Variants in GRID2 observed in about 807,000 individuals in gnomAD.
The protein encoded by GRID2 is glutamate ionotropic receptor delta type subunit 2, also known as glutamate receptor ionotropic, delta-2.
GRID2 carries 33 observed loss-of-function variants against 114.8 expected under a neutral mutation model. The observed-to-expected ratio is 0.29, with a 90% CI of 0.22 to 0.38. The LOEUF (loss-of-function observed/expected upper bound fraction) is 0.38. Among genes scored for constraint, GRID2 ranks in the 10% least tolerant of loss-of-function variants. The probability of loss-of-function intolerance (pLI) is 1.00; values close to 1 mark genes in which losing one functional copy is unlikely to be tolerated. For missense variants in GRID2, 1,184 were observed against 1,257.7 expected (o/e 0.94, Z 0.89); for synonymous variants, 505 against 449.9 (o/e 1.12, Z -1.55).
intron 2 of GRID2, among the ~76,000 whole-genome samples, chr4:92,865,551 G>T (rs1179179825): frequency 6.6e-6 from 1 of 152,104 alleles, no homozygotes; most frequent in Non-Finnish European, 1.5e-5. Flanking sequence ...TTTGTCATTA[G>T]ACATACATAT....
At chr4:92,598,068 G>T (rs1276616929) in intron 2 of GRID2, among the ~76,000 whole-genome samples, 1 of 152,114 alleles carries the variant, frequency 6.6e-6, no homozygotes, top group Non-Finnish European at 1.5e-5. Context: ...AGGTTTATGG[G>T]AATCACACTG....
At chr4:93,384,832 A>G (rs1364208118) in intron 8 of GRID2, among the ~76,000 whole-genome samples, 1 of 152,142 alleles carries the variant, frequency 6.6e-6, no homozygotes, top group Non-Finnish European at 1.5e-5. Context: ...TATCTTACAT[A>G]TATGGTTATA....
At chr4:92,926,227 A>T (rs900659033) in intron 2 of GRID2, among the ~76,000 whole-genome samples, 2 of 152,042 alleles carry the variant, frequency 1.3e-5, no homozygotes, top group African/African-American at 4.8e-5. Flanking sequence ...ACTACAAGGA[A>T]AATGCAGGAA....
chr4:93,492,820 A>G (rs181317478), intron 12 of GRID2, among the ~76,000 whole-genome samples: 197 of 151,930 alleles, frequency 1.3e-3, no homozygotes, highest in African/African-American at 4.7e-3. Context: ...ACACAATCAA[A>G]TGCACCACCC....
chr4:92,530,718 A>G (rs71599244), intron 1 of GRID2, among the ~76,000 whole-genome samples: 7,302 of 146,558 alleles, frequency 0.05, 218 homozygotes, highest in Middle Eastern at 0.094. Flanking sequence ...TGACCAACAT[A>G]GTGAAACCCC....
intron 4 of GRID2, among the ~76,000 whole-genome samples, chr4:93,115,524 C>T (rs779275195): frequency 3.3e-5 from 5 of 151,980 alleles, no homozygotes; most frequent in Non-Finnish European, 5.9e-5. Flanking sequence ...TTGAGACATA[C>T]GATGTGTTCC....
intron 2 of GRID2, among the ~76,000 whole-genome samples, chr4:92,982,088 T>C (rs982899966): frequency 2.0e-5 from 3 of 146,812 alleles, no homozygotes. Context: ...TCAACACCTA[T>C]ATGTGATAAG....
At chr4:93,167,292 C>G (rs1450055487) in intron 4 of GRID2, among the ~76,000 whole-genome samples, 3 of 152,122 alleles carry the variant, frequency 2.0e-5, no homozygotes, top group African/African-American at 7.2e-5. Context: ...AGTTGTTGCA[C>G]AGTTATATTG....
intron 14 of GRID2, among the ~76,000 whole-genome samples, chr4:93,728,936 T>A (rs1404749883): frequency 2.0e-5 from 3 of 152,200 alleles, no homozygotes; most frequent in East Asian, 1.9e-4. Flanking sequence ...TTGACTCTTT[T>A]TCCAGTTTGC....
chr4:92,662,511 A>C (rs1344940289), intron 2 of GRID2, among the ~76,000 whole-genome samples: 1 of 151,074 alleles, frequency 6.6e-6, no homozygotes, highest in Non-Finnish European at 1.5e-5. Flanking sequence ...CAAGCAAAAA[A>C]GTTACTTTGA....
chr4:93,418,165 G>A (rs1050626265), intron 9 of GRID2, among the ~76,000 whole-genome samples: 4 of 151,300 alleles, frequency 2.6e-5, no homozygotes, highest in East Asian at 1.9e-4. Flanking sequence ...CTTCTATTTC[G>A]ACTTCTAGAA....
chr4:92,813,751 T>C (rs1740758199), intron 2 of GRID2, among the ~76,000 whole-genome samples: 1 of 152,170 alleles, frequency 6.6e-6, no homozygotes, highest in East Asian at 1.9e-4. Context: ...TAAGTCAGTG[T>C]CCACAGATAA....
chr4:92,848,782 G>A (rs189108768), intron 2 of GRID2, among the ~76,000 whole-genome samples: 2 of 151,956 alleles, frequency 1.3e-5, no homozygotes, highest in African/African-American at 4.8e-5. Flanking sequence ...AGTTAAGGTA[G>A]GCCTAATCTA....
chr4:92,564,551 C>T (rs1727247854), intron 1 of GRID2, among the ~76,000 whole-genome samples: 1 of 151,894 alleles, frequency 6.6e-6, no homozygotes, highest in African/African-American at 2.4e-5. Flanking sequence ...AGAAGGCCAT[C>T]TCTTTAGAGA....
chr4:92,482,019 T>TAA (rs1295591318), intron 1 of GRID2, among the ~76,000 whole-genome samples: 2 of 66,808 alleles, frequency 3.0e-5, no homozygotes, highest in Non-Finnish European at 7.0e-5. Flanking sequence ...TATATATATA[T>TAA]ATATATATAT....
chr4:93,097,728 AG>A (rs897670421), intron 3 of GRID2, among the ~76,000 whole-genome samples: 1 of 151,898 alleles, frequency 6.6e-6, no homozygotes, highest in African/African-American at 2.4e-5. Context: ...AAAGACTCCA[AG>A]CGATGCAGAA....
chr4:93,572,733 T>C (rs1043583482), intron 13 of GRID2, among the ~76,000 whole-genome samples: 1 of 152,218 alleles, frequency 6.6e-6, no homozygotes, highest in East Asian at 1.9e-4. Context: ...TGGCTACATC[T>C]CAGGCACACG....
chr4:92,406,799 T>C (rs1731047864), intron 1 of GRID2, among the ~76,000 whole-genome samples: 2 of 151,632 alleles, frequency 1.3e-5, no homozygotes, highest in South Asian at 4.2e-4. Context: ...TAAGAACATG[T>C]GGTATTTGGT....
chr4:92,789,171 A>G lies in GRID2; in HGVS notation c.244+198885A>G, dbSNP rs193115224. ...ACCTTGAGAAACCTAGTTTTAGACT[A>G]ATTGTATGTCTTTTGTAAGTGATCT... On this transcript the variant is annotated intron_variant, in intron 2 of 15. Coordinates refer to ENST00000282020, the MANE Select transcript of GRID2 (RefSeq NM_001510.4). Among the ~76,000 whole-genome samples the G allele has an allele frequency of 5.1e-4, 78 of 151,924 alleles. No homozygotes were observed. The East Asian group carries it at 9.9e-3, about 19-fold the overall frequency.
Sources: allele counts gnomAD v4.1 joint callset (sites outside exome capture counted in the v4.1 genomes callset), GRCh38; gene constraint gnomAD v4.1.1; transcripts MANE v1.5; gene names NCBI Gene and HGNC (gene_info 2026-07-23, HGNC 2026-07-21).